The following ZNF350 variants were observed in gnomAD, a reference collection of about 807,000 sequenced individuals.
ZNF350 encodes the protein KRAB zinc finger protein ZFQR.
A neutral mutation model predicts 13.1 loss-of-function variants in ZNF350; 5 were observed. That is an observed-to-expected ratio of 0.38 (90% CI 0.20 to 0.80). The LOEUF (loss-of-function observed/expected upper bound fraction) is 0.80, where lower values mean the gene tolerates loss of function less well. Among genes scored for constraint, ZNF350 ranks in the 30% least tolerant of loss-of-function variants. The pLI is 0.43. For synonymous variants in ZNF350, 199 were observed against 224.2 expected (o/e 0.89, Z 1.00); for missense variants, 534 against 644.2 (o/e 0.83, Z 1.85).
intron 1 of ZNF350, among the ~76,000 whole-genome samples, chr19:51,983,814 T>A (rs762325148): frequency 3.3e-5 from 5 of 152,166 alleles, no homozygotes; most frequent in Non-Finnish European, 7.3e-5. Flanking sequence ...GGGTCCCCCA[T>A]ATGCTGAACA....
intron 4 of ZNF350, 72 bp from the exon 5 acceptor site, chr19:51,966,286 TTTTG>T (rs2085567878): frequency 3.4e-6 from 5 of 1,469,202 alleles, no homozygotes; most frequent in South Asian, 1.4e-5. Context: ...TTTTTGTTTT[TTTTG>T]TTTTTTTTTT....
chr19:51,968,511 C>G, intron 4 of ZNF350, 67 bp downstream of exon 4: 2 of 1,388,302 alleles, frequency 1.4e-6, no homozygotes, highest in South Asian at 2.3e-5. Context: ...CCCTTCACAG[C>G]TGTGCTGCCT....
Position 51,965,016 on chromosome 19 carries a change from G to C in ZNF350, c.1437C>G (p.Leu479=). 6.2e-7 allele frequency: 1 copy of C among 1,614,136 alleles called. No homozygotes were observed. ...CCACAAGGACTACGTTCCTGTTTGC[G>C]AGGAGGCCGCTGATGTTTAATGATG... ...PQTSLNISGL[L]ANRNVVLVGQ... The change falls in exon 5 of 5, where the codon CTC becomes CTG. Residue 479 remains leucine, a synonymous_variant. Coordinates refer to ENST00000243644, the MANE Select transcript of ZNF350 (RefSeq NM_021632.4).
chr19:51,964,994 C>T lies in ZNF350; in HGVS notation c.1459G>A (p.Val487Met), dbSNP rs2085523003. The T allele has an allele frequency of 1.2e-6, 2 of 1,614,212 alleles. No homozygotes were observed. Among genetic ancestry groups the T allele is most frequent in the East Asian group, 4.5e-5 (2 of 44,882 alleles). The change falls in exon 5 of 5, where the codon GTG becomes ATG. Residue 487 changes from valine to methionine, a missense_variant. Physicochemically the swap from Val to Met is conservative, Grantham distance 21. Coordinates refer to ENST00000243644, the MANE Select transcript of ZNF350 (RefSeq NM_021632.4). ...GLLANRNVVL[V>M]GQPVVRCAAS... Reference sequence around the variant, plus strand: ...GCACATCTGACCACTGGCTGTCCCACAAGGACTACGTTCCTGTTTGCGAGG... The same window carrying T: ...GCACATCTGACCACTGGCTGTCCCATAAGGACTACGTTCCTGTTTGCGAGG...
At chr19:51,983,303 C>T (rs1474922269) in intron 1 of ZNF350, among the ~76,000 whole-genome samples, 7 of 152,184 alleles carry the variant, frequency 4.6e-5, no homozygotes, top group Non-Finnish European at 8.8e-5. Flanking sequence ...CCAAGGTTTC[C>T]TCCCACTGAT....
chr19:51,976,949 A>G lies in ZNF350; in HGVS notation c.-171-2418T>C, dbSNP rs1599948672. ...TTATCTCATTATTATTCTGCAGGAC[A>G]GCAAGCTGAATCTAAAAATCTGAAA... is the stretch of plus-strand genomic sequence containing the variant. On this transcript the variant is annotated intron_variant, in intron 1 of 4. Transcript: ENST00000243644. The surrounding 1 kb of genome is among the most constrained non-coding windows in gnomAD (Gnocchi z 4.5). 3 of 152,336 alleles carry G rather than the reference A, an allele frequency of 2.0e-5. No homozygotes were observed. The highest frequency in any genetic ancestry group is 4.4e-5 in the Non-Finnish European group (3 of 68,032). 9.4% of individuals were successfully genotyped at this position (152,336 alleles called of 1,614,324 possible).
intron 2 of ZNF350, among the ~76,000 whole-genome samples, chr19:51,971,009 G>A (rs2085721258): frequency 6.6e-6 from 1 of 152,186 alleles, no homozygotes; most frequent in South Asian, 2.1e-4. Context: ...ATTTAGGACT[G>A]AAAGGCATGG....
At chr19:51,979,053 A>G (rs892153837) in intron 1 of ZNF350, among the ~76,000 whole-genome samples, 1 of 152,128 alleles carries the variant, frequency 6.6e-6, no homozygotes, top group Non-Finnish European at 1.5e-5. Flanking sequence ...GTGGCCAACC[A>G]TGGGCCCAGT....
chr19:51,971,376 A>C (rs1018281865), intron 2 of ZNF350, among the ~76,000 whole-genome samples: 1 of 152,352 alleles, frequency 6.6e-6, no homozygotes, highest in South Asian at 2.1e-4. Flanking sequence ...TTGATGGCTC[A>C]ATGAACTCCA....
intron 4 of ZNF350, among the ~76,000 whole-genome samples, chr19:51,966,934 G>A (rs1053164899): frequency 3.9e-5 from 6 of 152,006 alleles, no homozygotes; most frequent in East Asian, 3.9e-4. Context: ...GGTGTGAGCC[G>A]CTGCACCCGG....
At chr19:51,982,913 C>T (rs770578087) in intron 1 of ZNF350, among the ~76,000 whole-genome samples, 17 of 152,252 alleles carry the variant, frequency 1.1e-4, no homozygotes, top group Non-Finnish European at 1.9e-4. Context: ...GAACTAAGGG[C>T]GCCGTGGCTC....
intron 1 of ZNF350, among the ~76,000 whole-genome samples, chr19:51,979,244 A>G (rs1366672081): frequency 1.3e-5 from 2 of 152,162 alleles, no homozygotes; most frequent in African/African-American, 4.8e-5. Flanking sequence ...GCTCTTGGCC[A>G]TGTTAGCCAT....
intron 4 of ZNF350, chr19:51,967,373 C>A (rs1454595663): frequency 6.6e-6 from 1 of 151,596 alleles, no homozygotes; most frequent in Non-Finnish European, 1.5e-5. Context: ...CCATTGCGCT[C>A]CAGCCTGGGC....
Position 51,974,332 on chromosome 19 carries a change from CA to C in ZNF350, c.15+13del. ...GAACAAAGGAAAGAATAAAACAAAC[CA>C]AAAGTCAGTTACCTGGGCCTGGATC... is the stretch of plus-strand genomic sequence containing the variant. On this transcript the variant is annotated intron_variant, in intron 2 of 4. Coordinates refer to ENST00000243644, the MANE Select transcript of ZNF350 (RefSeq NM_021632.4). 1 of 1,613,476 alleles carries C rather than the reference CA, an allele frequency of 6.2e-7. No individual in the cohort carries two copies. Among genetic ancestry groups the C allele is most frequent in the Non-Finnish European group, 8.5e-7 (1 of 1,179,674 alleles).
chr19:51,964,617 T>C lies in ZNF350; in HGVS notation c.*237A>G. The C allele has an allele frequency of 1.9e-6, 1 of 523,262 alleles. No homozygotes were observed. The highest frequency in any genetic ancestry group is 3.6e-5 in the Admixed American group (1 of 27,786). The allele number at this position is 523,262 out of a possible 1,614,324, so 32.4% of individuals were successfully genotyped here. A position where few individuals can be genotyped will look rare whatever the true frequency, so the allele number is the denominator to read the frequency against. ...TAAAAATTCACAGTACTTCATTTCC[T>C]CCACTTAAAAGTACTTGGGCTTCCT... On this transcript the variant is annotated 3_prime_UTR_variant, in exon 5 of 5. Coordinates refer to ENST00000243644, the MANE Select transcript of ZNF350 (RefSeq NM_021632.4).
chr19:51,965,518 T>A lies in ZNF350; in HGVS notation c.935A>T (p.His312Leu), dbSNP rs751692277. The A allele has an allele frequency of 1.2e-6, 2 of 1,614,216 alleles. No homozygotes were observed. Among genetic ancestry groups the A allele is most frequent in the Non-Finnish European group, 1.7e-6 (2 of 1,180,028 alleles). Residue 312 changes from histidine to leucine, a missense_variant, in exon 5 of 5, where the codon CAT (histidine) becomes CTT (leucine). His to Leu is a moderately conservative substitution (Grantham distance 99). Coordinates refer to ENST00000243644, the MANE Select transcript of ZNF350 (RefSeq NM_021632.4). ...KGNLIVHQRI[H>L]TGEKPYICNE... ...GCATATATAAGGTTTCTCACCTGTA[T>A]GAATTCGCTGGTGTACAATGAGATT...
rs886283702 is a variant in ZNF350, at chr19:51,982,657, T to C, written c.-172+4113A>G. Reference sequence around the variant, plus strand: ...CACAGTCACAATCCCAAACTGATACTGAAAAGTTTAAATAGCTATAAACTT... The same window carrying C: ...CACAGTCACAATCCCAAACTGATACCGAAAAGTTTAAATAGCTATAAACTT... On this transcript the variant is annotated intron_variant, in intron 1 of 4. Transcript: ENST00000243644. Among the ~76,000 whole-genome samples the C allele has an allele frequency of 2.0e-5, 3 of 152,138 alleles. No homozygotes were observed. The East Asian group carries it at 5.8e-4, about 29-fold the overall frequency.
chr19:51,968,518 G>T, intron 4 of ZNF350, 60 bp downstream of exon 4: 1 of 1,463,360 alleles, frequency 6.8e-7, no homozygotes, highest in Non-Finnish European at 9.6e-7. Flanking sequence ...CAGCTGTGCT[G>T]CCTTCTCTGA....
At chr19:51,979,324 A>G (rs534702433) in intron 1 of ZNF350, among the ~76,000 whole-genome samples, 4 of 152,108 alleles carry the variant, frequency 2.6e-5, no homozygotes, top group Non-Finnish European at 5.9e-5. Context: ...CCAATCCCCC[A>G]GCAGTATGGC....
Sources: gnomAD v4.1 joint callset for allele counts (sites outside exome capture counted in the v4.1 genomes callset) on GRCh38, gnomAD v4.1.1 for gene constraint, Gnocchi (gnomAD v3.1) non-coding constraint, MANE v1.5 for transcripts, NCBI Gene and HGNC (gene_info 2026-07-23, HGNC 2026-07-21) for gene names.